Variants in DENND3 observed in about 807,000 individuals in gnomAD.
DENND3 encodes DENN domain containing 3, also known as DENN domain-containing protein 3.
DENND3 carries 88 observed loss-of-function variants against 135.1 expected under a neutral mutation model. That is an observed-to-expected ratio of 0.65 (90% CI 0.55 to 0.78). DENND3 has a LOEUF of 0.78. Ranked by LOEUF, DENND3 falls within the 30% of genes least tolerant of loss-of-function variation. DENND3 has a pLI of 0.00. For missense variants in DENND3, 1,392 were observed against 1,688.4 expected (o/e 0.82, Z 3.08); for synonymous variants, 693 against 712.3 (o/e 0.97, Z 0.43).
intron 18 of DENND3, among the ~76,000 whole-genome samples, chr8:141,186,507 T>TATG (rs1823908841): frequency 6.6e-6 from 1 of 152,154 alleles, no homozygotes; most frequent in Non-Finnish European, 1.5e-5. Flanking sequence ...TCTTAAAACA[T>TATG]ATGTTGAGTT....
chr8:141,183,840 C>G (rs980528537), intron 17 of DENND3, among the ~76,000 whole-genome samples: 1 of 151,612 alleles, frequency 6.6e-6, no homozygotes, highest in Non-Finnish European at 1.5e-5. Flanking sequence ...CAAAAGCTGT[C>G]CTGGCGGGGG....
In DENND3 at chr8:141,195,529, A is replaced by G. The variant is rs942780126; in HGVS notation, c.*1296A>G. On this transcript the variant is annotated 3_prime_UTR_variant, in exon 23 of 23. Transcript: ENST00000519811. The stretch of plus-strand genomic sequence containing the variant: ...ACACCACGGACCAGGTTTTCCCCCA[A>G]GGCTTGGCTTTGTGTAGCTACTAAC... The G allele has an allele frequency of 6.6e-6, 1 of 152,220 alleles. No individual in the cohort carries two copies. The highest frequency in any genetic ancestry group is 1.5e-5 in the Non-Finnish European group (1 of 68,058). 9.4% of individuals were successfully genotyped at this position (152,220 alleles called of 1,614,324 possible).
Position 141,136,654 on chromosome 8 carries a change from C to A in DENND3, c.248C>A (p.Ser83Tyr). 1 of 1,612,832 alleles carries A rather than the reference C, an allele frequency of 6.2e-7. No homozygotes were observed. The change falls in exon 2 of 23, where the codon TCC becomes TAC. Residue 83 changes from serine (S) to tyrosine (Y), a missense_variant. Ser to Tyr is a moderately radical substitution (Grantham distance 144, BLOSUM62 -2). Transcript: ENST00000519811. ...ACTCTCGGTAAAACCCGGATGCGCT[C>A]CTTGAGAAAGAAGAGAGAGAAGCCC... ...CGTLGKTRMRSLRKKREKPRP... is the reference protein window; with the variant it reads ...CGTLGKTRMRYLRKKREKPRP...
At chr8:141,135,955 C>T (rs567760334) in intron 1 of DENND3, among the ~76,000 whole-genome samples, 34 of 152,220 alleles carry the variant, frequency 2.2e-4, no homozygotes, top group Non-Finnish European at 4.6e-4. Flanking sequence ...GGAGGCAGCA[C>T]TGGCCCACGT....
chr8:141,160,529 T>G, intron 8 of DENND3, 103 bp from the exon 9 acceptor site: 2 of 1,330,036 alleles, frequency 1.5e-6, no homozygotes, highest in Non-Finnish European at 2.0e-6. Context: ...TTGATCGGTA[T>G]TTGTGTCTGT....
intron 10 of DENND3, 75 bp from the exon 11 acceptor site, chr8:141,165,111 G>A (rs1489076813): frequency 1.6e-5 from 18 of 1,126,848 alleles, no homozygotes; most frequent in Non-Finnish European, 2.3e-5. Context: ...TCTGTGCCAG[G>A]AAGGCTCAGG....
rs552658816 is a variant in DENND3, at chr8:141,187,337, C to G, written c.3085-1649C>G. ...TGGCACAATCGCTGCTTACTGCAGCCTGGACCTCCCGAGTAGCTGGGGCTA... is the reference window on the plus strand; with the variant it reads ...TGGCACAATCGCTGCTTACTGCAGCGTGGACCTCCCGAGTAGCTGGGGCTA... On this transcript the variant is annotated intron_variant, in intron 18 of 22. Transcript: ENST00000519811. 1.1e-4 allele frequency among the ~76,000 whole-genome samples: 16 copies of G among 152,024 alleles called. No homozygotes were observed. In the South Asian group the frequency reaches 3.1e-3, roughly 30 times the overall value.
rs1171354122 is a variant in DENND3 at position 141,139,210 on chromosome 8, C to T, written c.501+1073C>T. Among the ~76,000 whole-genome samples the T allele has an allele frequency of 2.0e-5, 3 of 152,122 alleles. No individual in the cohort carries two copies. Among genetic ancestry groups the T allele is most frequent in the African/African-American group, 4.8e-5 (2 of 41,408 alleles). On this transcript the variant is annotated intron_variant, in intron 3 of 22. Coordinates refer to ENST00000519811, the MANE Select transcript of DENND3 (RefSeq NM_001352890.3). The surrounding 1 kb of genome is among the most constrained non-coding windows in gnomAD (Gnocchi z 4.2). ...GAGAAATGGCTGGCCTGGATTCCCT[C>T]GGAGCCCGGGACACGTGTTTTTGTT...
rs751783219 is a variant in DENND3, at chr8:141,160,706, G to A, written c.1271G>A (p.Arg424Gln). The A allele has an allele frequency of 1.5e-5, 25 of 1,613,202 alleles. No individual in the cohort carries two copies. The highest frequency in any genetic ancestry group is 5.0e-5 in the Admixed American group (3 of 59,980). ...LLSSTDLKEG[R>Q]AHRRSWQQKL... ...TCCAGCACAGACCTGAAGGAGGGCC[G>A]AGCCCACCGGCGGTCCTGGCAGCAG... is the stretch of plus-strand genomic sequence containing the variant. Residue 424 changes from arginine (R) to glutamine (Q), a missense_variant, in exon 9 of 23, where the codon CGA (arginine) becomes CAA (glutamine). Physicochemically the swap from Arg to Gln is conservative, Grantham distance 43. Transcript: ENST00000519811.
rs904291032 is a variant in DENND3 at position 141,137,949 on chromosome 8, A to G, written c.386-73A>G. 6 of 1,484,642 alleles carry G rather than the reference A, an allele frequency of 4.0e-6. No individual in the cohort carries two copies. The African/African-American group carries it at 8.4e-5, about 21-fold the overall frequency. 92.0% of individuals were successfully genotyped at this position (1,484,642 alleles called of 1,614,324 possible). A position where few individuals can be genotyped will look rare whatever the true frequency, so the allele number is the denominator to read the frequency against. ...GTGGAGGTGTGTCCTAAACACTGTG[A>G]AGAAATCAGCTCGTGGGTAACCCAG... On this transcript the variant is annotated intron_variant, in intron 2 of 22. Transcript: ENST00000519811. The surrounding 1 kb of genome is among the most constrained non-coding windows in gnomAD (Gnocchi z 4.1).
At chr8:141,183,584 T>G (rs925544442) in intron 17 of DENND3, among the ~76,000 whole-genome samples, 32 of 147,226 alleles carry the variant, frequency 2.2e-4, no homozygotes, top group African/African-American at 8.1e-4. Context: ...AGAAGACACT[T>G]TTTTTTTCCT....
At chr8:141,178,339 G>A (rs1282911306) in intron 16 of DENND3, 143 bp downstream of exon 16, 5 of 1,248,076 alleles carry the variant, frequency 4.0e-6, no homozygotes, top group Admixed American at 5.6e-5. Context: ...TTACTCTCGA[G>A]TCGCACACCT....
chr8:141,192,232 A>C lies in DENND3; in HGVS notation c.3380-99A>C. The C allele has an allele frequency of 7.9e-6, 12 of 1,519,178 alleles. No individual in the cohort carries two copies. The South Asian group carries it at 1.4e-4, about 17-fold the overall frequency. The allele number at this position is 1,519,178 out of a possible 1,614,324, so 94.1% of individuals were successfully genotyped here. On this transcript the variant is annotated intron_variant, in intron 20 of 22. Coordinates refer to ENST00000519811, the MANE Select transcript of DENND3 (RefSeq NM_001352890.3). ...CAGGTGGCACGTGGTGATCCCCCCC[A>C]TCACCACGCTGGAAAGAGCAGTGAG...
chr8:141,156,022 T>C, intron 8 of DENND3, 52 bp downstream of exon 8: 1 of 1,529,664 alleles, frequency 6.5e-7, no homozygotes, highest in Non-Finnish European at 8.8e-7. Context: ...GTTCAGATTC[T>C]GTATTTGCCA....
chr8:141,179,003 C>T (rs1822755548), intron 16 of DENND3, among the ~76,000 whole-genome samples: 1 of 152,252 alleles, frequency 6.6e-6, no homozygotes, highest in Non-Finnish European at 1.5e-5. Flanking sequence ...CATCTGTTTT[C>T]ATTTCCCTTG....
At chr8:141,176,897 G>A (rs1246272847) in intron 15 of DENND3, 136 bp downstream of exon 15, 9 of 944,352 alleles carry the variant, frequency 9.5e-6, no homozygotes, top group Non-Finnish European at 1.4e-5. Flanking sequence ...TAAGTTTGTC[G>A]GACACCATCT....
In DENND3 at chr8:141,144,382, C is replaced by T. The variant is rs756830931; in HGVS notation, c.735+123C>T. 1 of 953,028 alleles carries T rather than the reference C, an allele frequency of 1.0e-6. No individual in the cohort carries two copies. Among genetic ancestry groups the T allele is most frequent in the Non-Finnish European group, 1.5e-6 (1 of 674,796 alleles). The allele number at this position is 953,028 out of a possible 1,614,324, so 59.0% of individuals were successfully genotyped here. A position where few individuals can be genotyped will look rare whatever the true frequency, so the allele number is the denominator to read the frequency against. The stretch of plus-strand genomic sequence containing the variant: ...AGCTGTTGTAAACCTAAAATAACAT[C>T]CTAACCCCCCCGCCTCCCCACAGCT... On this transcript the variant is annotated intron_variant, in intron 5 of 22. Coordinates refer to ENST00000519811, the MANE Select transcript of DENND3 (RefSeq NM_001352890.3). The surrounding 1 kb of genome is among the most constrained non-coding windows in gnomAD (Gnocchi z 4.4).
At position 141,178,193 on chromosome 8, in the gene DENND3, G is replaced by A. The variant is rs766778861; in HGVS notation, c.2833G>A (p.Glu945Lys). Residue 945 changes from glutamate (E) to lysine (K), a missense_variant, in exon 16 of 23, where the codon GAA becomes AAA. By Grantham distance (56) the Glu-to-Lys change is moderately conservative (BLOSUM62 1). Coordinates refer to ENST00000519811, the MANE Select transcript of DENND3 (RefSeq NM_001352890.3). ...ATCCTACTTTGATAAGATGAGTAAC[G>A]AAAGTAAGATAAGCCCGTTCTTAGC... Reference protein sequence around the residue: ...KLSYFDKMSNEMPMTLPETTL... With the variant: ...KLSYFDKMSNKMPMTLPETTL... The A allele has an allele frequency of 1.1e-5, 17 of 1,609,002 alleles. No homozygotes were observed. Among genetic ancestry groups the A allele is most frequent in the East Asian group, 4.5e-5 (2 of 44,738 alleles).
At position 141,141,986 on chromosome 8, in the gene DENND3, G is replaced by A. The variant is rs895348960; in HGVS notation, c.623+662G>A. The A allele has an allele frequency of 4.4e-6, 1 of 226,496 alleles. No homozygotes were observed. Among genetic ancestry groups the A allele is most frequent in the African/African-American group, 2.4e-5 (1 of 42,110 alleles). 14.0% of individuals were successfully genotyped at this position (226,496 alleles called of 1,614,324 possible). A position where few individuals can be genotyped will look rare whatever the true frequency, so the allele number is the denominator to read the frequency against. On this transcript the variant is annotated intron_variant, in intron 4 of 22. Transcript: ENST00000519811. This position sits in a 1 kb window ranked among gnomAD's most constrained non-coding sequence, Gnocchi z 5.3. The stretch of plus-strand genomic sequence containing the variant: ...TTAAGCCTAGGAGTTCAAGGCTGCA[G>A]TGAGCTGTGATTGCACCACCACACT...
Sources: allele counts gnomAD v4.1 joint callset (sites outside exome capture counted in the v4.1 genomes callset), GRCh38; gene constraint gnomAD v4.1.1; non-coding constraint Gnocchi (gnomAD v3.1); transcripts MANE v1.5; gene names NCBI Gene and HGNC (gene_info 2026-07-23, HGNC 2026-07-21).